PKNOX2: variants seen among roughly 807,000 people sequenced by gnomAD.
The protein encoded by PKNOX2 is PBX/knotted 1 homeobox 2.
Under a neutral mutation model 53.1 loss-of-function variants are expected in PKNOX2, and 14 were observed. The observed-to-expected ratio is 0.26, with a 90% CI of 0.17 to 0.41. PKNOX2 has a LOEUF of 0.41. Ranked by LOEUF, PKNOX2 falls within the 10% of genes least tolerant of loss-of-function variation. The probability of loss-of-function intolerance (pLI) is 1.00; values close to 1 mark genes in which losing one functional copy is unlikely to be tolerated. For synonymous variants in PKNOX2, 257 were observed against 242.8 expected (o/e 1.06, Z -0.54); for missense variants, 496 against 602.8 (o/e 0.82, Z 1.85).
rs1014735312 is a variant in PKNOX2, at chr11:125,165,889, A to G, written c.-201+1113A>G. Reference sequence around the variant, plus strand: ...TCAAAGTTTGCATTTCTTTCGGGTTAGGAGACGGGCTTTCCTGGCTCCCGA... The same window carrying G: ...TCAAAGTTTGCATTTCTTTCGGGTTGGGAGACGGGCTTTCCTGGCTCCCGA... On this transcript the variant is annotated intron_variant, in intron 1 of 12. Transcript: ENST00000298282. This position sits in a 1 kb window ranked among gnomAD's most constrained non-coding sequence, Gnocchi z 4.5. Among the ~76,000 whole-genome samples, 2 of 152,182 alleles carry G rather than the reference A, an allele frequency of 1.3e-5. No individual in the cohort carries two copies. The highest frequency in any genetic ancestry group is 1.3e-4 in the Admixed American group (2 of 15,282).
At position 125,389,494 on chromosome 11, in the gene PKNOX2, C is replaced by A. The variant is rs563652786; in HGVS notation, c.399+3772C>A. ...GCTGCAATGCCCCTGGCTGGCTCCC[C>A]TGGGAAAGGCCGGCTTCATCCTTCA... On this transcript the variant is annotated intron_variant, in intron 6 of 12. Coordinates refer to ENST00000298282, the MANE Select transcript of PKNOX2 (RefSeq NM_001382323.2). 2.0e-5 allele frequency among the ~76,000 whole-genome samples: 3 copies of A among 152,328 alleles called. No individual in the cohort carries two copies. The East Asian group carries it at 5.8e-4, about 29-fold the overall frequency.
intron 1 of PKNOX2, among the ~76,000 whole-genome samples, chr11:125,221,363 G>C (rs895031235): frequency 1.3e-5 from 2 of 152,142 alleles, no homozygotes; most frequent in African/African-American, 2.4e-5. Flanking sequence ...TAAGCATGAA[G>C]TGTGTGGCAT....
At position 125,345,200 on chromosome 11, in the gene PKNOX2, G is replaced by A. The variant is rs916636603; in HGVS notation, c.-22-6084G>A. Reference sequence around the variant, plus strand: ...TGTTTGCTGTGCTGTAAGGTGGGGCGGGCTCTGGGGAGCTTGCCCCTCTTC... The same window carrying A: ...TGTTTGCTGTGCTGTAAGGTGGGGCAGGCTCTGGGGAGCTTGCCCCTCTTC... On this transcript the variant is annotated intron_variant, in intron 3 of 12. Coordinates refer to ENST00000298282, the MANE Select transcript of PKNOX2 (RefSeq NM_001382323.2). Among the ~76,000 whole-genome samples the A allele has an allele frequency of 2.6e-5, 4 of 152,268 alleles. No individual in the cohort carries two copies. The South Asian group carries it at 6.2e-4, about 24-fold the overall frequency.
chr11:125,306,167 C>T (rs1948442013), intron 2 of PKNOX2, among the ~76,000 whole-genome samples: 1 of 152,140 alleles, frequency 6.6e-6, no homozygotes, highest in African/African-American at 2.4e-5. Context: ...TCCCTCCCCG[C>T]CACTGGCACT....
intron 1 of PKNOX2, among the ~76,000 whole-genome samples, chr11:125,179,477 A>G (rs1956030515): frequency 6.6e-6 from 1 of 151,628 alleles, no homozygotes; most frequent in African/African-American, 2.4e-5. Context: ...ACGGGAGAAA[A>G]ATCGCGTCCC....
chr11:125,170,873 C>T (rs1254594403), intron 1 of PKNOX2, among the ~76,000 whole-genome samples: 2 of 76,402 alleles, frequency 2.6e-5, no homozygotes, highest in South Asian at 9.0e-4. Flanking sequence ...CGGATAGGGC[C>T]GGGGTGGGTG....
chr11:125,298,879 T>C (rs1947835550), intron 2 of PKNOX2, among the ~76,000 whole-genome samples: 1 of 152,202 alleles, frequency 6.6e-6, no homozygotes, highest in Non-Finnish European at 1.5e-5. Flanking sequence ...GGTTATCATG[T>C]CAGGAGGCCA....
intron 2 of PKNOX2, among the ~76,000 whole-genome samples, chr11:125,319,536 G>T (rs1343974500): frequency 6.6e-6 from 1 of 152,220 alleles, no homozygotes; most frequent in African/African-American, 2.4e-5. Flanking sequence ...ATTTTTAAGT[G>T]CTACCAGGTG....
At chr11:125,233,961 T>G (rs1430353906) in intron 1 of PKNOX2, among the ~76,000 whole-genome samples, 1 of 152,186 alleles carries the variant, frequency 6.6e-6, no homozygotes, top group Non-Finnish European at 1.5e-5. Flanking sequence ...GGCCCCACCT[T>G]GCTGAGCTGG....
At chr11:125,206,188 G>A (rs924738536) in intron 1 of PKNOX2, among the ~76,000 whole-genome samples, 13 of 151,954 alleles carry the variant, frequency 8.6e-5, no homozygotes, top group African/African-American at 2.2e-4. Context: ...TCTAGTGGGC[G>A]GTGGGGGGGA....
intron 3 of PKNOX2, among the ~76,000 whole-genome samples, chr11:125,340,164 C>G (rs1950609600): frequency 6.6e-6 from 1 of 152,222 alleles, no homozygotes; most frequent in Non-Finnish European, 1.5e-5. Flanking sequence ...AACTTCCCTA[C>G]CGTGGGAAGG....
chr11:125,417,031 C>T (rs1277639414), intron 10 of PKNOX2, among the ~76,000 whole-genome samples: 2 of 152,020 alleles, frequency 1.3e-5, no homozygotes, highest in African/African-American at 4.8e-5. Flanking sequence ...GCCTCTGAGT[C>T]CCTGAAGAAT....
intron 2 of PKNOX2, among the ~76,000 whole-genome samples, chr11:125,284,162 T>C (rs11607957): frequency 0.037 from 5,710 of 152,274 alleles, 299 homozygotes; most frequent in East Asian, 0.26. Context: ...CTTCATGTAA[T>C]GCCTGGCACA....
intron 2 of PKNOX2, among the ~76,000 whole-genome samples, chr11:125,262,093 G>T (rs572903800): frequency 6.6e-6 from 1 of 152,148 alleles, no homozygotes; most frequent in African/African-American, 2.4e-5. Flanking sequence ...ATTATGAGCC[G>T]TGATGGGGCA....
At chr11:125,177,883 C>T (rs985172867) in intron 1 of PKNOX2, among the ~76,000 whole-genome samples, 7 of 151,992 alleles carry the variant, frequency 4.6e-5, no homozygotes, top group African/African-American at 1.7e-4. Context: ...CTTGGAAGAA[C>T]CAGACAGCAT....
At chr11:125,206,578 G>T (rs1481541251) in intron 1 of PKNOX2, among the ~76,000 whole-genome samples, 1 of 152,020 alleles carries the variant, frequency 6.6e-6, no homozygotes, top group Non-Finnish European at 1.5e-5. Flanking sequence ...ATGAAATAGC[G>T]GCTGAGAAGC....
intron 2 of PKNOX2, among the ~76,000 whole-genome samples, chr11:125,275,732 G>A (rs994045860): frequency 2.6e-5 from 4 of 151,216 alleles, no homozygotes; most frequent in African/African-American, 9.9e-5. Context: ...GGCAGAAGGT[G>A]GTGTAGGATC....
intron 1 of PKNOX2, among the ~76,000 whole-genome samples, chr11:125,195,860 T>A (rs1937612624): frequency 6.8e-6 from 1 of 147,834 alleles, no homozygotes; most frequent in Admixed American, 6.9e-5. Context: ...AATGATGAAT[T>A]CTCTCCCAAG....
At position 125,418,621 on chromosome 11, in the gene PKNOX2, G is replaced by T. The variant is rs907966692; in HGVS notation, c.936+6756G>T. Among the ~76,000 whole-genome samples the T allele has an allele frequency of 7.2e-5, 11 of 151,974 alleles. 1 individual carries two copies. Among genetic ancestry groups the T allele is most frequent in the African/African-American group, 2.7e-4 (11 of 41,248 alleles). On this transcript the variant is annotated intron_variant, in intron 10 of 12. Transcript: ENST00000298282. The stretch of plus-strand genomic sequence containing the variant: ...GCCCAGCCAGTTGCCTCTGTGCCTC[G>T]GTGTTGCCTTTGGTCACTCCACATT...
Sources: allele counts gnomAD v4.1 joint callset (sites outside exome capture counted in the v4.1 genomes callset), GRCh38; gene constraint gnomAD v4.1.1; non-coding constraint Gnocchi (gnomAD v3.1); transcripts MANE v1.5; gene names NCBI Gene and HGNC (gene_info 2026-07-23, HGNC 2026-07-21).